EIF2AK1: variants seen among roughly 807,000 people sequenced by gnomAD.
The protein encoded by EIF2AK1 is eukaryotic translation initiation factor 2-alpha kinase 1.
A neutral mutation model predicts 77.9 loss-of-function variants in EIF2AK1; 54 were observed. The ratio of observed to expected loss-of-function variants is 0.69; its 90% confidence interval spans 0.56 to 0.87. EIF2AK1 has a LOEUF of 0.87. EIF2AK1 is among the 40% of genes least tolerant of loss of function. EIF2AK1 has a pLI of 0.00. For synonymous variants in EIF2AK1, 314 were observed against 290.5 expected (o/e 1.08, Z -0.82); for missense variants, 810 against 768.6 (o/e 1.05, Z -0.64).
In EIF2AK1 at chr7:6,041,136, A is replaced by G; in HGVS notation, c.875T>C (p.Phe292Ser). The G allele has an allele frequency of 6.2e-7, 1 of 1,614,088 alleles. No individual in the cohort carries two copies. ...CTGATTTTCAGTGTCAGATTCTCCAAAGCGTTTTTCTTTTTCTGGGGTGGG... is the reference window on the plus strand; with the variant it reads ...CTGATTTTCAGTGTCAGATTCTCCAGAGCGTTTTTCTTTTTCTGGGGTGGG... ...AEPTPEKEKRFGESDTENQNN... is the reference protein window; with the variant it reads ...AEPTPEKEKRSGESDTENQNN... The change falls in exon 9 of 15, where the codon TTT (phenylalanine) becomes TCT (serine). Residue 292 changes from phenylalanine to serine, a missense_variant. By Grantham distance (155) the Phe-to-Ser change is radical. Coordinates refer to ENST00000199389, the MANE Select transcript of EIF2AK1 (RefSeq NM_014413.4).
chr7:6,024,291 G>C lies in EIF2AK1; in HGVS notation c.*382C>G, dbSNP rs1180443969. On this transcript the variant is annotated 3_prime_UTR_variant, in exon 15 of 15. Coordinates refer to ENST00000199389, the MANE Select transcript of EIF2AK1 (RefSeq NM_014413.4). ...GAAAGGGGCAGGAAGACTGGCAGCT[G>C]TCAAAACTGGAACAGTCCAGTGAGT... 3.8e-5 allele frequency: 46 copies of C among 1,212,944 alleles called. No homozygotes were observed. In the South Asian group the frequency reaches 5.2e-4, roughly 14 times the overall value. 75.1% of individuals were successfully genotyped at this position (1,212,944 alleles called of 1,614,324 possible). A position where few individuals can be genotyped will look rare whatever the true frequency, so the allele number is the denominator to read the frequency against.
chr7:6,029,146 A>G (rs1302886099), intron 11 of EIF2AK1, 114 bp from the exon 12 acceptor site: 1 of 863,490 alleles, frequency 1.2e-6, no homozygotes. Flanking sequence ...CAAAAGTTAA[A>G]TATTTGAGGA....
In EIF2AK1 at chr7:6,047,034, T is replaced by C. The variant is rs1386227486; in HGVS notation, c.507A>G (p.Glu169=). 3.7e-6 allele frequency: 6 copies of C among 1,613,676 alleles called. No individual in the cohort carries two copies. The highest frequency in any genetic ancestry group is 1.7e-5 in the Admixed American group (1 of 59,984). ...QTSRYLNEFE[E]LAILGKGGYG... ...ATCCACCTTTTCCTAAGATGGCAAG[T>C]TCTTCAAATTCATTTAAGTAACGTG... The change falls in exon 5 of 15, where the codon GAA becomes GAG. Residue 169 remains glutamate, a synonymous_variant. Coordinates refer to ENST00000199389, the MANE Select transcript of EIF2AK1 (RefSeq NM_014413.4).
At chr7:6,043,989 C>T (rs2128889885) in intron 7 of EIF2AK1, among the ~76,000 whole-genome samples, 1 of 151,758 alleles carries the variant, frequency 6.6e-6, no homozygotes, top group Non-Finnish European at 1.5e-5. Context: ...ATCCCAGCTA[C>T]TCGGGAGGCT....
chr7:6,022,447 C>G lies in EIF2AK1; in HGVS notation c.*2226G>C, dbSNP rs771391251. On this transcript the variant is annotated 3_prime_UTR_variant, in exon 15 of 15. Coordinates refer to ENST00000199389, the MANE Select transcript of EIF2AK1 (RefSeq NM_014413.4). ...CGGGGGTCAGTGTCCCTAACCCCCC[C>G]ACTGTTCAAGGGTTAGCTGTACTAT... 3 of 152,074 alleles carry G rather than the reference C, an allele frequency of 2.0e-5. No homozygotes were observed. Among genetic ancestry groups the G allele is most frequent in the Non-Finnish European group, 4.4e-5 (3 of 68,020 alleles). The allele number at this position is 152,074 out of a possible 1,614,324, so 9.4% of individuals were successfully genotyped here.
chr7:6,035,894 G>T lies in EIF2AK1; in HGVS notation c.1332+1530C>A. 2 of 1,546,886 alleles carry T rather than the reference G, an allele frequency of 1.3e-6. No homozygotes were observed. The highest frequency in any genetic ancestry group is 2.7e-5 in the African/African-American group (2 of 73,078). ...CAAGCAAAGCAGGCCGACTCCTCGG[G>T]GCGGGGGTCAGCTGCATCCGTCTGC... is the stretch of plus-strand genomic sequence containing the variant. On this transcript the variant is annotated intron_variant, in intron 11 of 14. Coordinates refer to ENST00000199389, the MANE Select transcript of EIF2AK1 (RefSeq NM_014413.4). This position sits in a 1 kb window ranked among gnomAD's most constrained non-coding sequence, Gnocchi z 5.5.
At chr7:6,043,322 A>T (rs1020636938) in intron 7 of EIF2AK1, among the ~76,000 whole-genome samples, 2 of 152,114 alleles carry the variant, frequency 1.3e-5, no homozygotes, top group African/African-American at 4.8e-5. Context: ...CATGCCTGTA[A>T]TCCCAACTCT....
chr7:6,046,172 C>G (rs1007021226), intron 5 of EIF2AK1, 21 bp from the exon 6 acceptor site: 1 of 1,368,400 alleles, frequency 7.3e-7, no homozygotes, highest in Non-Finnish European at 1.0e-6. Flanking sequence ...GAAAAAAAGA[C>G]AAAGTATATT....
intron 9 of EIF2AK1, among the ~76,000 whole-genome samples, chr7:6,040,291 G>C (rs1788258931): frequency 1.3e-5 from 2 of 152,028 alleles, no homozygotes; most frequent in South Asian, 2.1e-4. Context: ...GATCTCAGGT[G>C]ATCTGCCCTC....
rs77608502 is a variant in EIF2AK1 at position 6,034,934 on chromosome 7, A to G, written c.1332+2490T>C. On this transcript the variant is annotated intron_variant, in intron 11 of 14. Coordinates refer to ENST00000199389, the MANE Select transcript of EIF2AK1 (RefSeq NM_014413.4). ...AAATGTCGGGTAGGAGAGCAGAGAC[A>G]GAGCCTCTAAGAAAGGAGTCAACGG... Among the ~76,000 whole-genome samples the G allele has an allele frequency of 7.3e-3, 1,118 of 152,290 alleles. 14 individuals carry two copies. The highest frequency in any genetic ancestry group is 0.021 in the African/African-American group (886 of 41,552).
chr7:6,050,139 A>G, intron 2 of EIF2AK1, 94 bp from the exon 3 acceptor site: 3 of 971,712 alleles, frequency 3.1e-6, no homozygotes, highest in Non-Finnish European at 3.0e-6. Flanking sequence ...AATAATAGCA[A>G]TATATACAAA....
At chr7:6,037,559 T>G in intron 10 of EIF2AK1, 35 bp from the exon 11 acceptor site, 2 of 1,355,496 alleles carry the variant, frequency 1.5e-6, no homozygotes, top group South Asian at 2.4e-5. Context: ...ATTTCTCTAA[T>G]TTTTTTACTC....
rs1787514878 is a variant in EIF2AK1, at chr7:6,022,688, G to A, written c.*1985C>T. On this transcript the variant is annotated 3_prime_UTR_variant, in exon 15 of 15. Coordinates refer to ENST00000199389, the MANE Select transcript of EIF2AK1 (RefSeq NM_014413.4). ...CTCTGAGTGAGACACAGCTCAAGGG[G>A]GGGACTGTGAGCATTTGGGGAAGGG... 1 of 152,348 alleles carries A rather than the reference G, an allele frequency of 6.6e-6. No homozygotes were observed. The highest frequency in any genetic ancestry group is 1.5e-5 in the Non-Finnish European group (1 of 68,226). 9.4% of individuals were successfully genotyped at this position (152,348 alleles called of 1,614,324 possible). A position where few individuals can be genotyped will look rare whatever the true frequency, so the allele number is the denominator to read the frequency against.
Position 6,022,323 on chromosome 7 carries a change from C to G in EIF2AK1, c.*2350G>C, listed in dbSNP as rs950687661. 2.6e-5 allele frequency: 4 copies of G among 152,180 alleles called. No individual in the cohort carries two copies. The highest frequency in any genetic ancestry group is 9.7e-5 in the African/African-American group (4 of 41,436). The allele number at this position is 152,180 out of a possible 1,614,324, so 9.4% of individuals were successfully genotyped here. On this transcript the variant is annotated 3_prime_UTR_variant, in exon 15 of 15. Coordinates refer to ENST00000199389, the MANE Select transcript of EIF2AK1 (RefSeq NM_014413.4). ...TACAGACCATACAAAACGTGTTAAT[C>G]AACTGTGATGGGTAAGGCTTCCCAT...
At position 6,033,009 on chromosome 7, in the gene EIF2AK1, C is replaced by T; in HGVS notation, c.1333-3977G>A. On this transcript the variant is annotated intron_variant, in intron 11 of 14. Coordinates refer to ENST00000199389, the MANE Select transcript of EIF2AK1 (RefSeq NM_014413.4). This position sits in a 1 kb window ranked among gnomAD's most constrained non-coding sequence, Gnocchi z 4.4. ...TTGAGGCAGGGGTCTCGCTCTGTTG[C>T]CCAGGCTGGAGTGCAATGGCACAAT... The T allele has an allele frequency of 1.5e-6, 2 of 1,345,208 alleles. No individual in the cohort carries two copies. The highest frequency in any genetic ancestry group is 2.0e-6 in the Non-Finnish European group (2 of 980,510). 83.3% of individuals were successfully genotyped at this position (1,345,208 alleles called of 1,614,324 possible).
At chr7:6,029,365 T>A (rs1244467662) in intron 11 of EIF2AK1, among the ~76,000 whole-genome samples, 1 of 151,910 alleles carries the variant, frequency 6.6e-6, no homozygotes, top group Non-Finnish European at 1.5e-5. Context: ...TGGTGGCACG[T>A]GCCTGTAATC....
chr7:6,052,545 G>T (rs1443111361), intron 2 of EIF2AK1, among the ~76,000 whole-genome samples: 1 of 97,094 alleles, frequency 1.0e-5, no homozygotes, highest in Non-Finnish European at 1.9e-5. Flanking sequence ...TCAGTTTTAA[G>T]ACCACATAAA....
Position 6,046,934 on chromosome 7 carries a change from A to G in EIF2AK1, c.549+58T>C, listed in dbSNP as rs986114707. 5.0e-6 allele frequency: 7 copies of G among 1,395,050 alleles called. No homozygotes were observed. The East Asian group carries it at 9.4e-5, about 19-fold the overall frequency. The allele number at this position is 1,395,050 out of a possible 1,614,324, so 86.4% of individuals were successfully genotyped here. A position where few individuals can be genotyped will look rare whatever the true frequency, so the allele number is the denominator to read the frequency against. On this transcript the variant is annotated intron_variant, in intron 5 of 14. Transcript: ENST00000199389. ...AATAAATAAAAGAATAATGAAAACA[A>G]TATCTGAAAACACAATTATTTAGGG...
At chr7:6,054,503 C>A (rs1265345701) in intron 2 of EIF2AK1, 43 bp downstream of exon 2, 1 of 1,608,198 alleles carries the variant, frequency 6.2e-7, no homozygotes, top group Non-Finnish European at 8.5e-7. Flanking sequence ...GGAGCCCAGC[C>A]TTTACAAGCT....
Sources: gnomAD v4.1 joint callset for allele counts (sites outside exome capture counted in the v4.1 genomes callset) on GRCh38, gnomAD v4.1.1 for gene constraint, Gnocchi (gnomAD v3.1) non-coding constraint, MANE v1.5 for transcripts, NCBI Gene and HGNC (gene_info 2026-07-23, HGNC 2026-07-21) for gene names.